The following SYNRG variants were observed in gnomAD, a reference collection of about 807,000 sequenced individuals.
SYNRG encodes AP1 gamma subunit binding protein 1.
In SYNRG, 37 loss-of-function variants were observed where a neutral mutation model predicts 130.9. The ratio of observed to expected loss-of-function variants is 0.28; its 90% CI spans 0.22 to 0.37. The LOEUF (loss-of-function observed/expected upper bound fraction) is 0.37. SYNRG is among the 10% of genes least tolerant of loss of function. SYNRG has a pLI of 1.00. For missense variants in SYNRG, 1,338 were observed against 1,588.9 expected (o/e 0.84, Z 2.68); for synonymous variants, 539 against 568.1 (o/e 0.95, Z 0.73).
intron 1 of SYNRG, among the ~76,000 whole-genome samples, chr17:37,608,986 G>GCCCCCCCCC (rs149268463): frequency 2.8e-5 from 3 of 107,008 alleles, no homozygotes; most frequent in South Asian, 3.2e-4. Flanking sequence ...GATTTGCCCC[G>GCCCCCCCCC]CCCCCCCCCA....
chr17:37,594,235 TACA>T, intron 3 of SYNRG, among the ~76,000 whole-genome samples: 2 of 145,160 alleles, frequency 1.4e-5, no homozygotes, highest in African/African-American at 2.5e-5. Context: ...TTATATTAAT[TACA>T]ATATTAATTA....
chr17:37,586,373 T>G, intron 4 of SYNRG, 46 bp downstream of exon 4: 1 of 1,608,602 alleles, frequency 6.2e-7, no homozygotes, highest in Non-Finnish European at 8.5e-7. Context: ...TTAAGATAGA[T>G]GCTATAATGT....
In SYNRG at chr17:37,600,493, T is replaced by C. The variant is rs372691923; in HGVS notation, c.78-90A>G. 4.5e-5 allele frequency: 57 copies of C among 1,260,202 alleles called. 1 individual carries two copies. The East Asian group carries it at 1.1e-3, about 25-fold the overall frequency. The allele number at this position is 1,260,202 out of a possible 1,614,324, so 78.1% of individuals were successfully genotyped here. Reference sequence around the variant, plus strand: ...CTTTTTTATATGGATAAAAGACTTGTAGATGGGACCTGGTGTTTGTTCTGC... The same window carrying C: ...CTTTTTTATATGGATAAAAGACTTGCAGATGGGACCTGGTGTTTGTTCTGC... On this transcript the variant is annotated intron_variant, in intron 1 of 21. Coordinates refer to ENST00000612223, the MANE Select transcript of SYNRG (RefSeq NM_007247.6).
intron 8 of SYNRG, among the ~76,000 whole-genome samples, chr17:37,575,249 G>T (rs975207369): frequency 6.6e-6 from 1 of 151,914 alleles, no homozygotes; most frequent in Non-Finnish European, 1.5e-5. Flanking sequence ...AGCACTACAA[G>T]GTAGCTACAG....
At chr17:37,601,277 C>T (rs2063255943) in intron 1 of SYNRG, among the ~76,000 whole-genome samples, 1 of 152,108 alleles carries the variant, frequency 6.6e-6, no homozygotes, top group Non-Finnish European at 1.5e-5. Flanking sequence ...CCATGTTGGC[C>T]AGGCTGGTCT....
rs758583661 is a variant in SYNRG at position 37,542,115 on chromosome 17, C to A, written c.3059G>T (p.Cys1020Phe). Residue 1020 changes from cysteine (C) to phenylalanine (F), a missense_variant, in exon 15 of 22, where the codon TGT becomes TTT. Transcript: ENST00000612223. Reference protein sequence around the residue: ...SGASQETPNECSDDFGEFQSE... With the variant: ...SGASQETPNEFSDDFGEFQSE... ...TTGAAACTCTCCAAAGTCATCCGAA[C>A]ATTCGTTCGGGGTTTCTTGAGAGGC... The A allele has an allele frequency of 3.1e-6, 5 of 1,614,090 alleles. No homozygotes were observed. The highest frequency in any genetic ancestry group is 4.2e-6 in the Non-Finnish European group (5 of 1,180,052).
rs1173403910 is a variant in SYNRG, at chr17:37,609,311, C to T, written c.45G>A (p.Ala15=). The T allele has an allele frequency of 7.5e-6, 11 of 1,464,936 alleles. No individual in the cohort carries two copies. Among genetic ancestry groups the T allele is most frequent in the Non-Finnish European group, 9.9e-6 (11 of 1,114,442 alleles). 90.7% of individuals were successfully genotyped at this position (1,464,936 alleles called of 1,614,324 possible). The change falls in exon 1 of 22, where the codon GCG becomes GCA. Residue 15 remains alanine (A), a synonymous_variant. Transcript: ENST00000612223. The part of the protein sequence containing the change: ...PGAGSGGGGA[A]GAGAGSAGGG... ...CCCCGGCGGACCCCGCGCCAGCTCC[C>T]GCGGCCCCGCCGCCACCAGAACCAG...
At chr17:37,534,816 T>C (rs1002487499) in intron 19 of SYNRG, among the ~76,000 whole-genome samples, 4 of 152,106 alleles carry the variant, frequency 2.6e-5, no homozygotes, top group Non-Finnish European at 5.9e-5. Flanking sequence ...TAGCTGGGTA[T>C]CCACCTGGCT....
intron 8 of SYNRG, among the ~76,000 whole-genome samples, chr17:37,572,616 A>G (rs991893227): frequency 3.3e-5 from 5 of 152,200 alleles, no homozygotes; most frequent in Non-Finnish European, 5.9e-5. Flanking sequence ...TAGAGTAATG[A>G]TGGTGGGAAC....
intron 4 of SYNRG, 122 bp downstream of exon 4, chr17:37,586,297 A>G (rs2061685712): frequency 7.1e-7 from 1 of 1,403,004 alleles, no homozygotes; most frequent in South Asian, 1.4e-5. Context: ...CCAGGCCTTA[A>G]GAGTTTTAAA....
chr17:37,542,433 G>A lies in SYNRG; in HGVS notation c.2741C>T (p.Ser914Leu). The change falls in exon 15 of 22, where the codon TCA becomes TTA. Residue 914 changes from serine to leucine, a missense_variant. By Grantham distance (145) the Ser-to-Leu change is moderately radical (BLOSUM62 -2). Around this residue, in one of 3 missense-constraint regions of SYNRG, gnomAD observed 1,146 missense variants for 1,342.3 expected, o/e 0.85. Coordinates refer to ENST00000612223, the MANE Select transcript of SYNRG (RefSeq NM_007247.6). ...QGRKLSPFVL[S>L]AGSGSPSATS... ...GGCTGAGGGGGATCCACTTCCTGCT[G>A]AGAGGACAAATGGAGAGAGTTTTCT... 1 of 1,614,158 alleles carries A rather than the reference G, an allele frequency of 6.2e-7. No homozygotes were observed. Among genetic ancestry groups the A allele is most frequent in the Non-Finnish European group, 8.5e-7 (1 of 1,180,038 alleles).
chr17:37,538,471 A>G (rs773618029), intron 17 of SYNRG, 51 bp from the exon 18 acceptor site: 1 of 1,337,246 alleles, frequency 7.5e-7, no homozygotes, highest in South Asian at 1.3e-5. Context: ...AAGTCATTGC[A>G]AATCAATTTA....
chr17:37,561,658 A>C, intron 11 of SYNRG, 69 bp from the exon 12 acceptor site: 1 of 1,176,804 alleles, frequency 8.5e-7, no homozygotes, highest in Non-Finnish European at 1.3e-6. Context: ...GGAAGTTAGA[A>C]TTAAAATGGC....
chr17:37,529,544 AAAAAAAAAAAAG>A lies in SYNRG; in HGVS notation c.3666+6423_3666+6434del, dbSNP rs2056376963. On this transcript the variant is annotated intron_variant, in intron 19 of 21. Coordinates refer to ENST00000612223, the MANE Select transcript of SYNRG (RefSeq NM_007247.6). ...TACATGTATATATATTTTACAAAAA[AAAAAAAAAAAAG>A]AAAAGAAAAGGTGTGGAGGGGTGTT... 2.5e-5 allele frequency among the ~76,000 whole-genome samples: 3 copies of A among 122,150 alleles called. No individual in the cohort carries two copies. In the Admixed American group the frequency reaches 2.7e-4, roughly 11 times the overall value. 80.1% of individuals were successfully genotyped at this position (122,150 alleles called of 152,430 possible).
rs746515222 is a variant in SYNRG at position 37,542,252 on chromosome 17, G to C, written c.2922C>G (p.Thr974=). 13 of 1,614,080 alleles carry C rather than the reference G, an allele frequency of 8.1e-6. No homozygotes were observed. In the African/African-American group the frequency reaches 1.5e-4, roughly 18 times the overall value. Residue 974 remains threonine (T), a synonymous_variant, in exon 15 of 22, where the codon ACC becomes ACG. Coordinates refer to ENST00000612223, the MANE Select transcript of SYNRG (RefSeq NM_007247.6). ...TGTTTTCATATTCCTTTTGCTCACTGGTCTGAGGAATCGTGTCTTTAAAAC... is the reference window on the plus strand; with the variant it reads ...TGTTTTCATATTCCTTTTGCTCACTCGTCTGAGGAATCGTGTCTTTAAAAC... The part of the protein sequence containing the change: ...LASFKDTIPQ[T]SEQKEYENRD...
intron 1 of SYNRG, among the ~76,000 whole-genome samples, chr17:37,605,018 A>AAAT (rs1348430730): frequency 1.3e-5 from 2 of 152,232 alleles, no homozygotes; most frequent in Non-Finnish European, 2.9e-5. Context: ...TCACCATAAC[A>AAAT]AATAATAATA....
intron 19 of SYNRG, among the ~76,000 whole-genome samples, chr17:37,530,598 C>A (rs2144329280): frequency 6.6e-6 from 1 of 152,310 alleles, no homozygotes; most frequent in East Asian, 1.9e-4. Context: ...GCAGTAAACA[C>A]GTGCTTTTTC....
At position 37,516,983 on chromosome 17, in the gene SYNRG, G is replaced by A. The variant is rs1204443500; in HGVS notation, c.*1957C>T. ...GCCTGTAATCCCGGTACTTTGGGAGGCTGAGGCGGGCGGATCGCCTGAGGT... is the reference window on the plus strand; with the variant it reads ...GCCTGTAATCCCGGTACTTTGGGAGACTGAGGCGGGCGGATCGCCTGAGGT... On this transcript the variant is annotated 3_prime_UTR_variant, in exon 22 of 22. Coordinates refer to ENST00000612223, the MANE Select transcript of SYNRG (RefSeq NM_007247.6). 1.3e-5 allele frequency: 2 copies of A among 152,264 alleles called. No individual in the cohort carries two copies. Among genetic ancestry groups the A allele is most frequent in the Non-Finnish European group, 2.9e-5 (2 of 68,088 alleles). 9.4% of individuals were successfully genotyped at this position (152,264 alleles called of 1,614,324 possible).
intron 13 of SYNRG, among the ~76,000 whole-genome samples, chr17:37,556,100 T>C (rs2059101747): frequency 1.3e-5 from 2 of 152,146 alleles, no homozygotes; most frequent in South Asian, 2.1e-4. Context: ...TAAAAATGTA[T>C]TGAGAACCAA....
Sources: gnomAD v4.1 joint callset for allele counts (sites outside exome capture counted in the v4.1 genomes callset) on GRCh38, gnomAD v4.1.1 for gene constraint, gnomAD v4.1.1 regional missense constraint, MANE v1.5 for transcripts, NCBI Gene and HGNC (gene_info 2026-07-23, HGNC 2026-07-21) for gene names.